Variants in PCDHA3 observed in about 807,000 individuals in gnomAD.
PCDHA3 encodes protocadherin alpha-3.
Under a neutral mutation model 62.2 loss-of-function variants are expected in PCDHA3, and 41 were observed. The observed-to-expected ratio is 0.66, with a 90% confidence interval of 0.51 to 0.86. PCDHA3 has a LOEUF of 0.86. Among genes scored for constraint, PCDHA3 ranks in the 40% least tolerant of loss-of-function variants. The pLI is 0.00. For synonymous variants in PCDHA3, 640 were observed against 555.4 expected, an observed-to-expected ratio of 1.15 and a Z score of -2.14; for missense variants, 1,304 against 1,241.2, an observed-to-expected ratio of 1.05 and a Z score of -0.76.
intron 1 of PCDHA3, among the ~76,000 whole-genome samples, chr5:140,941,202 C>CTTTCCTTCTTT (rs1554213921): frequency 8.1e-6 from 1 of 122,742 alleles, no homozygotes; most frequent in Non-Finnish European, 1.8e-5. Flanking sequence ...TTTCTTTCTT[C>CTTTCCTTCTTT]CTTTCTTTCT....
At chr5:140,863,142 G>C (rs782245937) in intron 1 of PCDHA3, 1 of 609,728 alleles carries the variant, frequency 1.6e-6, no homozygotes. Flanking sequence ...TGCTGGTGCT[G>C]GTGAAGGACC....
intron 1 of PCDHA3, chr5:140,966,972 T>A (rs1554229007): frequency 6.2e-7 from 1 of 1,602,946 alleles, no homozygotes; most frequent in Non-Finnish European, 8.5e-7. Flanking sequence ...GGGCTTGAGC[T>A]GCGGCGCTTG....
intron 1 of PCDHA3, chr5:140,823,379 G>T (rs2150125184): frequency 6.2e-7 from 1 of 1,612,650 alleles, no homozygotes; most frequent in Non-Finnish European, 8.5e-7. Context: ...TTCCAGGTGA[G>T]CGCGCGCGAC....
chr5:140,808,782 A>G (rs1764262210), intron 1 of PCDHA3: 1 of 1,612,468 alleles, frequency 6.2e-7, no homozygotes, highest in African/African-American at 1.3e-5. Context: ...GAGCTGCTGC[A>G]GTTTCAGGTG....
intron 1 of PCDHA3, among the ~76,000 whole-genome samples, chr5:140,889,028 C>T (rs1015343865): frequency 4.0e-5 from 6 of 151,754 alleles, no homozygotes; most frequent in African/African-American, 7.3e-5. Flanking sequence ...CTTGGATAAC[C>T]GTAATTTGAT....
At chr5:140,822,944 C>A (rs2150120585) in intron 1 of PCDHA3, 2 of 1,614,240 alleles carry the variant, frequency 1.2e-6, no homozygotes. Context: ...TCCCTAATGC[C>A]CCACGTTCCC....
intron 1 of PCDHA3, among the ~76,000 whole-genome samples, chr5:140,942,493 C>T (rs1334279065): frequency 1.3e-5 from 2 of 151,366 alleles, no homozygotes; most frequent in Non-Finnish European, 2.9e-5. Context: ...GAAATAAATA[C>T]ATGGTATCTA....
rs533343357 is a variant in PCDHA3, at chr5:140,856,093, C to G, written c.2394+52502C>G. 1.3e-6 allele frequency: 2 copies of G among 1,597,146 alleles called. 1 individual carries two copies. Among genetic ancestry groups the G allele is most frequent in the Non-Finnish European group, 1.7e-6 (2 of 1,166,952 alleles). On this transcript the variant is annotated intron_variant, in intron 1 of 3. Transcript: ENST00000522353. ...GCCTGGGGGTCCAGTGTCTGCTGCT[C>G]TCGCTTCTTCTCCTCGCAGCCTGGG... is the stretch of plus-strand genomic sequence containing the variant.
At chr5:140,966,198 T>C in intron 1 of PCDHA3, 1 of 214,428 alleles carries the variant, frequency 4.7e-6, no homozygotes, top group Non-Finnish European at 9.1e-6. Context: ...TTCTAGGGGC[T>C]TGACTGCTTT....
chr5:140,867,552 TATG>T (rs1353762493), intron 1 of PCDHA3: 1 of 152,120 alleles, frequency 6.6e-6, no homozygotes, highest in Non-Finnish European at 1.5e-5. Flanking sequence ...AGCATACACA[TATG>T]ATAACTTTTT....
chr5:140,823,111 G>A (rs1554129147), intron 1 of PCDHA3: 3 of 1,614,060 alleles, frequency 1.9e-6, no homozygotes, highest in Non-Finnish European at 2.5e-6. Context: ...GGAAGTGGCC[G>A]ACGTGAACGA....
At chr5:140,921,437 G>A (rs2080219286) in intron 1 of PCDHA3, among the ~76,000 whole-genome samples, 1 of 151,992 alleles carries the variant, frequency 6.6e-6, no homozygotes, top group South Asian at 2.1e-4. Context: ...TTTCTTCAAT[G>A]GTGTCTGAAA....
chr5:140,905,918 T>G (rs536445399), intron 1 of PCDHA3, among the ~76,000 whole-genome samples: 1 of 152,280 alleles, frequency 6.6e-6, no homozygotes, highest in Non-Finnish European at 1.5e-5. Context: ...GAATCCAATC[T>G]GAGTCCCAAA....
At chr5:140,884,148 A>G in intron 1 of PCDHA3, 3 of 1,613,432 alleles carry the variant, frequency 1.9e-6, no homozygotes, top group Non-Finnish European at 2.5e-6. Context: ...GTGGGGCTGT[A>G]CACTGGCGAG....
rs2051668710 is a variant in PCDHA3, at chr5:140,870,104, CA to C, written c.2394+66514del. The C allele has an allele frequency of 1.9e-6, 3 of 1,613,930 alleles. No individual in the cohort carries two copies. In the East Asian group the frequency reaches 6.7e-5, roughly 36 times the overall value. On this transcript the variant is annotated intron_variant, in intron 1 of 3. Coordinates refer to ENST00000522353, the MANE Select transcript of PCDHA3 (RefSeq NM_018906.3). ...ACTCCCCCAATGGCAGGTCACTGTACAGTCTGGGTGGAAATCTTGGACACCA... is the reference window on the plus strand; with the variant it reads ...ACTCCCCCAATGGCAGGTCACTGTACGTCTGGGTGGAAATCTTGGACACCA...
chr5:140,843,388 G>C lies in PCDHA3; in HGVS notation c.2394+39797G>C, dbSNP rs1411961192. On this transcript the variant is annotated intron_variant, in intron 1 of 3. Coordinates refer to ENST00000522353, the MANE Select transcript of PCDHA3 (RefSeq NM_018906.3). ...GGCAGTCGGCTGGCGTTTTGGGTCC[G>C]GAAGCGGCGCTGGTGGATGTCAACG... 45 of 1,595,950 alleles carry C rather than the reference G, an allele frequency of 2.8e-5. 4 individuals are homozygous for C. The highest frequency in any genetic ancestry group is 3.9e-5 in the Non-Finnish European group (45 of 1,165,580).
At chr5:140,927,827 C>T (rs1554205116) in intron 1 of PCDHA3, 2 of 1,614,100 alleles carry the variant, frequency 1.2e-6, no homozygotes, top group South Asian at 2.2e-5. Flanking sequence ...TACATTGAGG[C>T]GAGGGACGAA....
Position 140,980,544 on chromosome 5 carries a change from C to T in PCDHA3, c.2453+1537C>T, listed in dbSNP as rs111386744. 4.0e-3 allele frequency among the ~76,000 whole-genome samples: 611 copies of T among 152,160 alleles called. 1 individual carries two copies. The highest frequency in any genetic ancestry group is 0.013 in the African/African-American group (560 of 41,516). On this transcript the variant is annotated intron_variant, in intron 2 of 3. Coordinates refer to ENST00000522353, the MANE Select transcript of PCDHA3 (RefSeq NM_018906.3). ...ACTAGGGAGGCTGAGGCAGGAGAAT[C>T]GCTTGAACCCGGGAGGCGGAAGTTG...
At chr5:140,868,966 A>G (rs2050768695) in intron 1 of PCDHA3, 1 of 1,433,890 alleles carries the variant, frequency 7.0e-7, no homozygotes, top group Non-Finnish European at 9.3e-7. Flanking sequence ...CATACAAAGG[A>G]ACTCCATCAT....
Sources: allele counts gnomAD v4.1 joint callset (sites outside exome capture counted in the v4.1 genomes callset), GRCh38; gene constraint gnomAD v4.1.1; transcripts MANE v1.5; gene names NCBI Gene and HGNC (gene_info 2026-07-23, HGNC 2026-07-21).